Variants in MAGI2 observed in about 807,000 individuals in gnomAD.
MAGI2 encodes membrane associated guanylate kinase, WW and PDZ domain containing 2, also known as membrane-associated guanylate kinase, WW and PDZ domain-containing protein 2.
A neutral mutation model predicts 133.3 loss-of-function variants in MAGI2; 35 were observed. The ratio of observed to expected loss-of-function variants is 0.26; its 90% CI spans 0.20 to 0.35. The LOEUF is 0.35. Ranked by LOEUF, MAGI2 falls within the 10% of genes least tolerant of loss-of-function variation. The pLI, the probability that MAGI2 is intolerant of heterozygous loss-of-function variation, is 1.00. For missense variants in MAGI2, 1,636 were observed against 1,863.4 expected (o/e 0.88, Z 2.25); for synonymous variants, 729 against 710.6 (o/e 1.03, Z -0.41).
At chr7:79,062,605 C>A (rs1813863858) in intron 1 of MAGI2, among the ~76,000 whole-genome samples, 1 of 152,040 alleles carries the variant, frequency 6.6e-6, no homozygotes, top group African/African-American at 2.4e-5. Context: ...TATTTGTAAA[C>A]CTAAAACTGC....
At chr7:79,225,541 T>A (rs767505719) in intron 1 of MAGI2, among the ~76,000 whole-genome samples, 27 of 152,188 alleles carry the variant, frequency 1.8e-4, no homozygotes, top group Non-Finnish European at 4.0e-4. Flanking sequence ...TTGACATATG[T>A]TTTGCTGGCA....
At chr7:79,335,768 G>C (rs561723622) in intron 1 of MAGI2, among the ~76,000 whole-genome samples, 4 of 151,982 alleles carry the variant, frequency 2.6e-5, no homozygotes, top group Non-Finnish European at 4.4e-5. Context: ...TCAGTAACTA[G>C]TGCATTACTC....
chr7:78,999,671 A>T (rs991672490), intron 2 of MAGI2, among the ~76,000 whole-genome samples: 1 of 152,210 alleles, frequency 6.6e-6, no homozygotes, highest in Admixed American at 6.5e-5. Flanking sequence ...ATGAGTAAAC[A>T]AGTAGAATAC....
chr7:79,300,777 G>C (rs542778953), intron 1 of MAGI2, among the ~76,000 whole-genome samples: 8 of 152,192 alleles, frequency 5.3e-5, no homozygotes, highest in Non-Finnish European at 1.2e-4. Flanking sequence ...AGAGACCTTT[G>C]TGGCAGCCCA....
At chr7:79,067,581 T>C (rs914035374) in intron 1 of MAGI2, among the ~76,000 whole-genome samples, 3 of 152,322 alleles carry the variant, frequency 2.0e-5, no homozygotes, top group East Asian at 1.9e-4. Context: ...CTTTTCCTAA[T>C]TGAATACCAT....
At chr7:78,446,613 C>T (rs1035946278) in intron 6 of MAGI2, among the ~76,000 whole-genome samples, 5 of 151,988 alleles carry the variant, frequency 3.3e-5, no homozygotes, top group Non-Finnish European at 7.4e-5. Flanking sequence ...GAAAGCTATG[C>T]CTTGGGTCCT....
At chr7:79,032,633 A>T (rs1810714362) in intron 1 of MAGI2, among the ~76,000 whole-genome samples, 1 of 152,042 alleles carries the variant, frequency 6.6e-6, no homozygotes, top group Non-Finnish European at 1.5e-5. Context: ...TTAATTTTTA[A>T]AAATATGTAA....
chr7:78,702,623 A>T lies in MAGI2; in HGVS notation c.419-75384T>A, dbSNP rs141346047. Among the ~76,000 whole-genome samples the T allele has an allele frequency of 3.0e-3, 460 of 152,132 alleles. 1 individual carries two copies. Among genetic ancestry groups the T allele is most frequent in the Middle Eastern group, 0.017 (5 of 294 alleles). ...AAATATTATCTGCTATGGTCATTAA[A>T]GCTGTTAATAAATATTCCATTTCTT... On this transcript the variant is annotated intron_variant, in intron 2 of 21. Transcript: ENST00000354212.
intron 3 of MAGI2, among the ~76,000 whole-genome samples, chr7:78,535,976 C>A (rs62468584): frequency 0.073 from 11,092 of 151,586 alleles, 522 homozygotes; most frequent in Non-Finnish European, 0.11. Context: ...AATCAGCACT[C>A]CCTACTTTCT....
chr7:78,241,989 A>G (rs1167642157), intron 10 of MAGI2, among the ~76,000 whole-genome samples: 4 of 152,070 alleles, frequency 2.6e-5, no homozygotes, highest in Admixed American at 6.6e-5. Flanking sequence ...ATCAATAGTT[A>G]TATATCCTTG....
At chr7:78,490,942 T>C (rs573613622) in intron 5 of MAGI2, among the ~76,000 whole-genome samples, 2 of 151,968 alleles carry the variant, frequency 1.3e-5, no homozygotes, top group South Asian at 4.2e-4. Context: ...GAATGGAACA[T>C]GAAAGGAAGA....
At chr7:79,087,172 A>ACAG (rs1816587947) in intron 1 of MAGI2, among the ~76,000 whole-genome samples, 1 of 151,920 alleles carries the variant, frequency 6.6e-6, no homozygotes, top group Non-Finnish European at 1.5e-5. Context: ...TCCTCAATAG[A>ACAG]CAGCAGTTCA....
intron 1 of MAGI2, among the ~76,000 whole-genome samples, chr7:79,315,164 CT>C (rs33911640): frequency 7.6e-4 from 107 of 140,692 alleles, no homozygotes; most frequent in Non-Finnish European, 6.8e-4. Flanking sequence ...AGATTTAACT[CT>C]TTTTTTTTTT....
chr7:78,361,169 G>C (rs555588763), intron 7 of MAGI2, among the ~76,000 whole-genome samples: 2 of 152,258 alleles, frequency 1.3e-5, no homozygotes, highest in South Asian at 2.1e-4. Context: ...GCTGAGGCGG[G>C]TGGATCACGA....
intron 21 of MAGI2, among the ~76,000 whole-genome samples, chr7:78,024,809 CA>C (rs1442049269): frequency 1.3e-5 from 2 of 151,884 alleles, no homozygotes; most frequent in Non-Finnish European, 2.9e-5. Context: ...TACCATGAAC[CA>C]CATACCCTCC....
chr7:79,002,712 G>T (rs181673218), intron 2 of MAGI2, among the ~76,000 whole-genome samples: 110 of 151,658 alleles, frequency 7.3e-4, no homozygotes, highest in African/African-American at 2.4e-3. Flanking sequence ...CATTTCCATT[G>T]AGAAACTGCA....
intron 1 of MAGI2, among the ~76,000 whole-genome samples, chr7:79,354,735 G>T (rs572531972): frequency 5.3e-4 from 80 of 152,186 alleles, no homozygotes; most frequent in Non-Finnish European, 9.3e-4. Flanking sequence ...TGCTCACCTC[G>T]GTGTGCCTCA....
chr7:78,785,386 G>A (rs1447172935), intron 2 of MAGI2, among the ~76,000 whole-genome samples: 1 of 152,208 alleles, frequency 6.6e-6, no homozygotes, highest in African/African-American at 2.4e-5. Context: ...GTACAAAACT[G>A]TGTAAGTATT....
rs1395385563 is a variant in MAGI2, at chr7:79,364,429, AT to A, written c.301+88590del. On this transcript the variant is annotated intron_variant, in intron 1 of 21. Transcript: ENST00000354212. ...TAAGTCATTGCACCAATGTGATCAT[AT>A]TGTAAAACACAATGTTGTACACTAT... Among the ~76,000 whole-genome samples, 4 of 152,220 alleles carry A rather than the reference AT, an allele frequency of 2.6e-5. No homozygotes were observed. In the East Asian group the frequency reaches 7.7e-4, roughly 29 times the overall value.
Sources: allele counts gnomAD v4.1 joint callset (sites outside exome capture counted in the v4.1 genomes callset), GRCh38; gene constraint gnomAD v4.1.1; transcripts MANE v1.5; gene names NCBI Gene and HGNC (gene_info 2026-07-23, HGNC 2026-07-21).